The following LRRC4C variants were observed in gnomAD, a reference collection of about 807,000 sequenced individuals.
LRRC4C encodes leucine rich repeat containing 4C, also known as leucine-rich repeat-containing protein 4C.
Under a neutral mutation model 33.6 loss-of-function variants are expected in LRRC4C, and 5 were observed. That is an observed-to-expected ratio of 0.15 (90% CI 0.08 to 0.31). The LOEUF is 0.31. LRRC4C is among the 10% of genes least tolerant of loss of function. LRRC4C has a pLI of 1.00. For missense variants in LRRC4C, 560 were observed against 796.7 expected (o/e 0.70, Z 3.58); for synonymous variants, 329 against 302.0 (o/e 1.09, Z -0.93).
chr11:40,241,027 A>C (rs908915862), intron 5 of LRRC4C, among the ~76,000 whole-genome samples: 13 of 152,230 alleles, frequency 8.5e-5, no homozygotes, highest in Non-Finnish European at 1.9e-4. Context: ...TTGTTTAGGC[A>C]TAAAAATATG....
At chr11:41,087,497 T>C (rs1287288645) in intron 1 of LRRC4C, among the ~76,000 whole-genome samples, 1 of 152,122 alleles carries the variant, frequency 6.6e-6, no homozygotes, top group Non-Finnish European at 1.5e-5. Flanking sequence ...TTGGTATATG[T>C]TAGTAATTTT....
intron 2 of LRRC4C, among the ~76,000 whole-genome samples, chr11:40,738,295 G>A (rs962978064): frequency 3.9e-5 from 6 of 152,048 alleles, no homozygotes; most frequent in African/African-American, 1.2e-4. Context: ...AGTGTACCAC[G>A]ATACGGCCCT....
chr11:40,179,768 C>T (rs550948250), intron 5 of LRRC4C, among the ~76,000 whole-genome samples: 21 of 152,280 alleles, frequency 1.4e-4, no homozygotes, highest in African/African-American at 5.1e-4. Flanking sequence ...AAAACTAAAG[C>T]ATACAACCTC....
chr11:40,521,704 A>G (rs1472439057), intron 3 of LRRC4C, among the ~76,000 whole-genome samples: 1 of 151,994 alleles, frequency 6.6e-6, no homozygotes. Context: ...CTCCGTCTCT[A>G]CTAAAAATAC....
At chr11:41,362,752 T>C (rs1399195994) in intron 1 of LRRC4C, among the ~76,000 whole-genome samples, 1 of 152,080 alleles carries the variant, frequency 6.6e-6, no homozygotes, top group Non-Finnish European at 1.5e-5. Flanking sequence ...AAAGTCAGTG[T>C]CCTTGTTTTA....
chr11:41,139,043 T>C (rs1045353000), intron 1 of LRRC4C, among the ~76,000 whole-genome samples: 2 of 152,144 alleles, frequency 1.3e-5, no homozygotes, highest in African/African-American at 4.8e-5. Flanking sequence ...TGTTTTGTTT[T>C]ACAAAAAAGT....
At chr11:40,670,647 A>T (rs1486918235) in intron 2 of LRRC4C, among the ~76,000 whole-genome samples, 1 of 152,236 alleles carries the variant, frequency 6.6e-6, no homozygotes, top group South Asian at 2.1e-4. Context: ...GATGTAGGGA[A>T]AAAAGGGTAC....
chr11:40,633,603 G>A (rs1232728662), intron 3 of LRRC4C, among the ~76,000 whole-genome samples: 3 of 151,750 alleles, frequency 2.0e-5, no homozygotes, highest in Non-Finnish European at 4.4e-5. Context: ...TGGCCAGGCT[G>A]GTCTCGAACT....
chr11:40,875,218 C>T (rs1039970567), intron 2 of LRRC4C, among the ~76,000 whole-genome samples: 7 of 152,082 alleles, frequency 4.6e-5, no homozygotes, highest in Non-Finnish European at 1.0e-4. Flanking sequence ...TGTTTCTACT[C>T]CTACTAATCT....
At position 40,192,952 on chromosome 11, in the gene LRRC4C, G is replaced by C. The variant is rs1425076077; in HGVS notation, c.-96+48567C>G. 2.6e-5 allele frequency among the ~76,000 whole-genome samples: 4 copies of C among 152,366 alleles called. No individual in the cohort carries two copies. The South Asian group carries it at 8.3e-4, about 32-fold the overall frequency. On this transcript the variant is annotated intron_variant, in intron 5 of 6. Transcript: ENST00000528697. The stretch of plus-strand genomic sequence containing the variant: ...CTCTGAAAGAAAGGCAGCAGCCCCA[G>C]TCAGGGGCTTATAGATAAAACTGCC...
intron 3 of LRRC4C, among the ~76,000 whole-genome samples, chr11:40,384,953 T>A (rs1176805813): frequency 6.6e-6 from 1 of 152,168 alleles, no homozygotes; most frequent in African/African-American, 2.4e-5. Context: ...TTTCTAAAAC[T>A]ATTTTTACTA....
At chr11:40,807,394 A>G (rs1951300829) in intron 2 of LRRC4C, among the ~76,000 whole-genome samples, 1 of 152,196 alleles carries the variant, frequency 6.6e-6, no homozygotes, top group Admixed American at 6.5e-5. Context: ...ACAGAGGGAA[A>G]CAAACAAACC....
At chr11:40,623,634 G>T (rs1012674252) in intron 3 of LRRC4C, among the ~76,000 whole-genome samples, 2 of 151,992 alleles carry the variant, frequency 1.3e-5, no homozygotes, top group Non-Finnish European at 2.9e-5. Context: ...TCTGCTAATT[G>T]AACACTATAT....
intron 3 of LRRC4C, among the ~76,000 whole-genome samples, chr11:40,634,611 T>G (rs1963790322): frequency 6.6e-6 from 1 of 152,122 alleles, no homozygotes; most frequent in African/African-American, 2.4e-5. Flanking sequence ...GTCTCACACC[T>G]GTAATCCTAG....
chr11:40,389,249 T>G (rs1364608834), intron 3 of LRRC4C, among the ~76,000 whole-genome samples: 1 of 151,930 alleles, frequency 6.6e-6, no homozygotes, highest in African/African-American at 2.4e-5. Flanking sequence ...AAAAACAAAG[T>G]GATAGAGATA....
intron 3 of LRRC4C, among the ~76,000 whole-genome samples, chr11:40,341,852 C>T (rs1946882133): frequency 1.3e-5 from 2 of 151,934 alleles, no homozygotes; most frequent in African/African-American, 2.4e-5. Flanking sequence ...AAATATAAAT[C>T]GATGTTCCTT....
At chr11:40,625,139 T>C (rs759788683) in intron 3 of LRRC4C, among the ~76,000 whole-genome samples, 46 of 152,178 alleles carry the variant, frequency 3.0e-4, no homozygotes, top group Non-Finnish European at 4.0e-4. Flanking sequence ...ACATGGCTAA[T>C]AATTGCCATA....
intron 3 of LRRC4C, among the ~76,000 whole-genome samples, chr11:40,551,335 A>C (rs1446937668): frequency 7.3e-6 from 1 of 136,666 alleles, no homozygotes; most frequent in Non-Finnish European, 1.6e-5. Flanking sequence ...TGGTTGCATG[A>C]GATCATTTCA....
chr11:40,742,217 CATT>C (rs1398035275), intron 2 of LRRC4C, among the ~76,000 whole-genome samples: 5 of 151,828 alleles, frequency 3.3e-5, no homozygotes. Context: ...TTTGAGGCAT[CATT>C]GAGATTTTTT....
Sources: gnomAD v4.1 joint callset for allele counts (sites outside exome capture counted in the v4.1 genomes callset) on GRCh38, gnomAD v4.1.1 for gene constraint, MANE v1.5 for transcripts, NCBI Gene and HGNC (gene_info 2026-07-23, HGNC 2026-07-21) for gene names.